The following SAMD5 variants were observed in gnomAD, a reference collection of about 807,000 sequenced individuals.
SAMD5 encodes sterile alpha motif domain-containing protein 5.
In SAMD5, 13 loss-of-function variants were observed where a neutral mutation model predicts 11.3. That is an observed-to-expected ratio of 1.15 (90% confidence interval 0.75 to 1.83). SAMD5 has a LOEUF of 1.83. Ranked by LOEUF, SAMD5 falls within the 40% of genes most tolerant of loss-of-function variation. The probability of loss-of-function intolerance (pLI) is 0.00; values close to 1 mark genes in which losing one functional copy is unlikely to be tolerated. For missense variants in SAMD5, 255 were observed against 239.1 expected, an observed-to-expected ratio of 1.07 and a Z score of -0.44; for synonymous variants, 129 against 111.3, an observed-to-expected ratio of 1.16 and a Z score of -1.00.
the SAMD5 span, among the ~76,000 whole-genome samples, chr6:147,839,704 G>A: frequency 6.6e-6 from 1 of 152,050 alleles, no homozygotes; most frequent in Non-Finnish European, 1.5e-5. Flanking sequence ...GAGCTGAGGT[G>A]GCACCACTGC....
At chr6:147,868,227 C>A in the SAMD5 span, among the ~76,000 whole-genome samples, 3 of 152,060 alleles carry the variant, frequency 2.0e-5, no homozygotes, top group Non-Finnish European at 4.4e-5. Context: ...TTTTAGATGG[C>A]TTCTTGGGTT....
At chr6:147,870,138 A>G in the SAMD5 span, among the ~76,000 whole-genome samples, 2 of 152,164 alleles carry the variant, frequency 1.3e-5, no homozygotes, top group East Asian at 3.9e-4. Context: ...CAAGGGCTCC[A>G]TAGCTCACTG....
chr6:147,752,192 T>C, the SAMD5 span, among the ~76,000 whole-genome samples: 1 of 152,296 alleles, frequency 6.6e-6, no homozygotes, highest in African/African-American at 2.4e-5. Context: ...ATAATCTTGA[T>C]ATGTCCCTCT....
chr6:147,777,916 A>G, the SAMD5 span, among the ~76,000 whole-genome samples: 12 of 152,160 alleles, frequency 7.9e-5, no homozygotes, highest in African/African-American at 2.7e-4. Context: ...TTATCTCTTG[A>G]TGGACATTTG....
chr6:147,889,989 G>A, the SAMD5 span, among the ~76,000 whole-genome samples: 2 of 152,144 alleles, frequency 1.3e-5, no homozygotes, highest in African/African-American at 2.4e-5. Flanking sequence ...GCCAGGCTCT[G>A]CCTAGGAACC....
the SAMD5 span, among the ~76,000 whole-genome samples, chr6:147,912,228 C>G: frequency 6.6e-6 from 1 of 152,042 alleles, no homozygotes; most frequent in Non-Finnish European, 1.5e-5. Flanking sequence ...GTGGGAAAAA[C>G]TGCAAAGTGT....
At chr6:147,674,760 C>T (rs1357437573) in intron 1 of SAMD5, among the ~76,000 whole-genome samples, 1 of 152,098 alleles carries the variant, frequency 6.6e-6, no homozygotes, top group Non-Finnish European at 1.5e-5. Flanking sequence ...GAGTTACCTG[C>T]ACTATTAAAA....
the SAMD5 span, among the ~76,000 whole-genome samples, chr6:147,919,400 AT>A: frequency 2.6e-5 from 4 of 152,154 alleles, no homozygotes; most frequent in Admixed American, 6.5e-5. Flanking sequence ...ATGAGAAACC[AT>A]GCGCTAGCAG....
intron 1 of SAMD5, among the ~76,000 whole-genome samples, chr6:147,684,620 G>A (rs189957992): frequency 3.9e-5 from 6 of 152,292 alleles, no homozygotes; most frequent in Admixed American, 1.3e-4. Flanking sequence ...CTAACATTTA[G>A]CATTGCCATC....
chr6:147,841,152 G>T, the SAMD5 span, among the ~76,000 whole-genome samples: 1 of 152,214 alleles, frequency 6.6e-6, no homozygotes, highest in African/African-American at 2.4e-5. Flanking sequence ...GATTCTGCAA[G>T]TGTAGAAGCT....
the SAMD5 span, among the ~76,000 whole-genome samples, chr6:147,846,656 C>A: frequency 6.6e-6 from 1 of 152,134 alleles, no homozygotes; most frequent in East Asian, 1.9e-4. Context: ...CCAGTCTCTA[C>A]TAAAAATACA....
chr6:147,888,483 T>A, the SAMD5 span, among the ~76,000 whole-genome samples: 1 of 152,138 alleles, frequency 6.6e-6, no homozygotes, highest in South Asian at 2.1e-4. Flanking sequence ...CTTTTCATGT[T>A]GTTGGGGCAT....
At chr6:147,950,977 G>A in the SAMD5 span, among the ~76,000 whole-genome samples, 1 of 150,484 alleles carries the variant, frequency 6.6e-6, no homozygotes, top group Admixed American at 6.7e-5. Context: ...TTCTACTCAG[G>A]CCATGTAATA....
the SAMD5 span, among the ~76,000 whole-genome samples, chr6:147,835,892 A>G: frequency 6.6e-6 from 1 of 152,068 alleles, no homozygotes; most frequent in Non-Finnish European, 1.5e-5. Context: ...TTTCGTCCCC[A>G]TCACCCCACA....
the SAMD5 span, among the ~76,000 whole-genome samples, chr6:147,803,677 C>T: frequency 4.6e-5 from 7 of 152,342 alleles, no homozygotes; most frequent in East Asian, 1.9e-4. Context: ...GTAGACAAGA[C>T]ATTTGACCCA....
At chr6:147,521,207 A>ATTACCAGT (rs1159463505) in intron 1 of SAMD5, among the ~76,000 whole-genome samples, 1 of 152,068 alleles carries the variant, frequency 6.6e-6, no homozygotes, top group Non-Finnish European at 1.5e-5. Context: ...CATTTCTTAG[A>ATTACCAGT]TTACCAGTTC....
chr6:147,930,893 T>C, the SAMD5 span, among the ~76,000 whole-genome samples: 2 of 152,326 alleles, frequency 1.3e-5, no homozygotes, highest in Non-Finnish European at 2.9e-5. Context: ...TGGATGGTGC[T>C]CGCCCACGCT....
chr6:147,560,168 TA>T (rs1292176208), intron 1 of SAMD5, among the ~76,000 whole-genome samples: 5 of 152,204 alleles, frequency 3.3e-5, no homozygotes, highest in Admixed American at 6.5e-5. Context: ...TGAACAAATG[TA>T]AAATGTGGGG....
chr6:147,524,833 TATC>T (rs1401343145), intron 1 of SAMD5, among the ~76,000 whole-genome samples: 1 of 152,184 alleles, frequency 6.6e-6, no homozygotes, highest in Non-Finnish European at 1.5e-5. Context: ...TTATATTTAT[TATC>T]ATTTGTGAAG....
Sources: gnomAD v4.1 joint callset for allele counts (sites outside exome capture counted in the v4.1 genomes callset) on GRCh38, gnomAD v4.1.1 for gene constraint, MANE v1.5 for transcripts, NCBI Gene and HGNC (gene_info 2026-07-23, HGNC 2026-07-21) for gene names.